ZSWIM6: variants seen among roughly 807,000 people sequenced by gnomAD.
ZSWIM6 encodes zinc finger SWIM domain-containing protein 6.
A neutral mutation model predicts 113.2 loss-of-function variants in ZSWIM6; 9 were observed. The ratio of observed to expected loss-of-function variants is 0.08; its 90% CI spans 0.05 to 0.14. The LOEUF (loss-of-function observed/expected upper bound fraction) is 0.14, where lower values mean the gene tolerates loss of function less well. Among genes scored for constraint, ZSWIM6 ranks in the 10% least tolerant of loss-of-function variants. The pLI is 1.00. For synonymous variants in ZSWIM6, 611 were observed against 606.5 expected (o/e 1.01, Z -0.11); for missense variants, 1,162 against 1,552.2 (o/e 0.75, Z 4.22).
At chr5:61,525,210 A>G (rs1045845828) in intron 5 of ZSWIM6, among the ~76,000 whole-genome samples, 4 of 152,184 alleles carry the variant, frequency 2.6e-5, no homozygotes, top group African/African-American at 9.7e-5. Context: ...AAATATATGC[A>G]TTTATGCCCT....
chr5:61,510,952 A>C (rs1748771027), intron 4 of ZSWIM6, among the ~76,000 whole-genome samples: 1 of 152,144 alleles, frequency 6.6e-6, no homozygotes, highest in Non-Finnish European at 1.5e-5. Context: ...TTTAATCATC[A>C]AATAGCTTTA....
chr5:61,403,818 T>C (rs886241118), intron 1 of ZSWIM6, among the ~76,000 whole-genome samples: 1 of 152,180 alleles, frequency 6.6e-6, no homozygotes, highest in African/African-American at 2.4e-5. Flanking sequence ...GTTTTCAATC[T>C]TGGGAGCTTC....
At position 61,380,527 on chromosome 5, in the gene ZSWIM6, TA is replaced by T. The variant is rs367632389; in HGVS notation, c.676+47580del. Among the ~76,000 whole-genome samples the T allele has an allele frequency of 3.9e-5, 6 of 152,328 alleles. No homozygotes were observed. In the South Asian group the frequency reaches 1.0e-3, roughly 26 times the overall value. On this transcript the variant is annotated intron_variant, in intron 1 of 13. Transcript: ENST00000252744. ...TTTTTAGGACTTCAAAATCTGAGTG[TA>T]TTGGGTATATGGTATCAGCGTCAGC...
rs1027345393 is a variant in ZSWIM6 at position 61,490,709 on chromosome 5, A to G, written c.1034-77A>G. 3.5e-6 allele frequency: 5 copies of G among 1,415,474 alleles called. No individual in the cohort carries two copies. In the South Asian group the frequency reaches 7.0e-5, roughly 20 times the overall value. 87.7% of individuals were successfully genotyped at this position (1,415,474 alleles called of 1,614,324 possible). A position where few individuals can be genotyped will look rare whatever the true frequency, so the allele number is the denominator to read the frequency against. On this transcript the variant is annotated intron_variant, in intron 2 of 13. Coordinates refer to ENST00000252744, the MANE Select transcript of ZSWIM6 (RefSeq NM_020928.2). The stretch of plus-strand genomic sequence containing the variant: ...TTGAGATTGAATTAAAAAGTAGGCA[A>G]AAAGAGTCTTAATTAATCCTTTTAG...
Position 61,490,827 on chromosome 5 carries a change from A to G in ZSWIM6, c.1075A>G (p.Asn359Asp), listed in dbSNP as rs751553216. The G allele has an allele frequency of 6.5e-7, 1 of 1,547,436 alleles. No individual in the cohort carries two copies. The highest frequency in any genetic ancestry group is 1.2e-5 in the South Asian group (1 of 83,600). ...AGCAGGTGCTAGTATAGATGATGAAAACTGCTGGCACTTAGATGAAGAGCA... is the reference window on the plus strand; with the variant it reads ...AGCAGGTGCTAGTATAGATGATGAAGACTGCTGGCACTTAGATGAAGAGCA... ...PTAGASIDDENCWHLDEEQVQ... is the reference protein window; with the variant it reads ...PTAGASIDDEDCWHLDEEQVQ... Residue 359 changes from asparagine to aspartate, a missense_variant, in exon 3 of 14, where the codon AAC becomes GAC. Around this residue, in one of 4 missense-constraint regions of ZSWIM6, gnomAD observed 96 missense variants for 240.3 expected, o/e 0.40. Transcript: ENST00000252744.
In ZSWIM6 at chr5:61,504,622, A is replaced by G. The variant is rs576879841; in HGVS notation, c.1333+10212A>G. ...AAGCCAGTTTTCTTAGAATTCTTACACAAGTATAGTGCTTAAGTGTCTACC... is the reference window on the plus strand; with the variant it reads ...AAGCCAGTTTTCTTAGAATTCTTACGCAAGTATAGTGCTTAAGTGTCTACC... On this transcript the variant is annotated intron_variant, in intron 4 of 13. Coordinates refer to ENST00000252744, the MANE Select transcript of ZSWIM6 (RefSeq NM_020928.2). Among the ~76,000 whole-genome samples the G allele has an allele frequency of 6.9e-4, 105 of 152,342 alleles. 1 individual carries two copies. In the Middle Eastern group the frequency reaches 0.024, roughly 35 times the overall value.
At chr5:61,419,804 G>T (rs934297655) in intron 1 of ZSWIM6, among the ~76,000 whole-genome samples, 4 of 152,176 alleles carry the variant, frequency 2.6e-5, no homozygotes, top group African/African-American at 9.7e-5. Flanking sequence ...TTGCCTTCTG[G>T]TTGTATGAAT....
chr5:61,472,345 G>A lies in ZSWIM6; in HGVS notation c.677-336G>A, dbSNP rs749242628. Among the ~76,000 whole-genome samples, 2 of 152,180 alleles carry A rather than the reference G, an allele frequency of 1.3e-5. No individual in the cohort carries two copies. Among genetic ancestry groups the A allele is most frequent in the Non-Finnish European group, 2.9e-5 (2 of 68,038 alleles). On this transcript the variant is annotated intron_variant, in intron 1 of 13. Coordinates refer to ENST00000252744, the MANE Select transcript of ZSWIM6 (RefSeq NM_020928.2). This position sits in a 1 kb window ranked among gnomAD's most constrained non-coding sequence, Gnocchi z 4.1. ...CACTGATCTAGGGGATTATTGTGTTGTATACCACTGATTCAGAGCAGAGTA... is the reference window on the plus strand; with the variant it reads ...CACTGATCTAGGGGATTATTGTGTTATATACCACTGATTCAGAGCAGAGTA...
At chr5:61,333,663 C>A (rs1744318800) in intron 1 of ZSWIM6, among the ~76,000 whole-genome samples, 1 of 152,202 alleles carries the variant, frequency 6.6e-6, no homozygotes, top group African/African-American at 2.4e-5. Context: ...GGCGGCGGAC[C>A]GGACTCCGTC....
chr5:61,336,151 C>A (rs1744388896), intron 1 of ZSWIM6, among the ~76,000 whole-genome samples: 1 of 152,038 alleles, frequency 6.6e-6, no homozygotes, highest in South Asian at 2.1e-4. Context: ...GTGGTCCCAG[C>A]TACTTGGGAG....
At chr5:61,531,054 G>T (rs1375910065) in intron 8 of ZSWIM6, among the ~76,000 whole-genome samples, 2 of 152,142 alleles carry the variant, frequency 1.3e-5, no homozygotes, top group Non-Finnish European at 2.9e-5. Context: ...GGTTATATAT[G>T]TTATGTTCCC....
chr5:61,381,258 A>G (rs1000109521), intron 1 of ZSWIM6, among the ~76,000 whole-genome samples: 1 of 152,078 alleles, frequency 6.6e-6, no homozygotes, highest in Non-Finnish European at 1.5e-5. Context: ...TGTCTCAAAC[A>G]AAACAAAATA....
At chr5:61,431,700 GCAC>G (rs2112135951) in intron 1 of ZSWIM6, among the ~76,000 whole-genome samples, 1 of 152,018 alleles carries the variant, frequency 6.6e-6, no homozygotes, top group African/African-American at 2.4e-5. Flanking sequence ...AGCCAAGATG[GCAC>G]CACTGCACTC....
intron 2 of ZSWIM6, among the ~76,000 whole-genome samples, chr5:61,474,580 G>A (rs1747659792): frequency 6.6e-6 from 1 of 152,084 alleles, no homozygotes; most frequent in Non-Finnish European, 1.5e-5. Flanking sequence ...TTAAGTCTGT[G>A]AAATCTGGTT....
intron 1 of ZSWIM6, among the ~76,000 whole-genome samples, chr5:61,436,061 C>T (rs976479216): frequency 7.9e-5 from 12 of 152,076 alleles, no homozygotes; most frequent in Admixed American, 2.6e-4. Context: ...ATTAGCCGGG[C>T]GTGGTGGTGC....
chr5:61,345,160 A>G (rs1744630218), intron 1 of ZSWIM6, among the ~76,000 whole-genome samples: 1 of 152,200 alleles, frequency 6.6e-6, no homozygotes, highest in South Asian at 2.1e-4. Context: ...GAATTAGTTT[A>G]TATAATTATA....
chr5:61,413,250 T>C (rs1746182234), intron 1 of ZSWIM6, among the ~76,000 whole-genome samples: 4 of 144,872 alleles, frequency 2.8e-5, no homozygotes, highest in African/African-American at 1.0e-4. Context: ...TCAATTGCCA[T>C]CTATGAGTGA....
intron 4 of ZSWIM6, among the ~76,000 whole-genome samples, chr5:61,514,542 C>T (rs1334718144): frequency 2.0e-5 from 3 of 151,924 alleles, no homozygotes; most frequent in African/African-American, 4.8e-5. Context: ...TAAGGAAGTT[C>T]GCTCCTATTC....
At position 61,486,291 on chromosome 5, in the gene ZSWIM6, C is replaced by CT. The variant is rs201833223; in HGVS notation, c.1034-4487dup. 4.3e-4 allele frequency among the ~76,000 whole-genome samples: 65 copies of CT among 152,032 alleles called. No individual in the cohort carries two copies. The Middle Eastern group carries it at 0.014, about 32-fold the overall frequency. On this transcript the variant is annotated intron_variant, in intron 2 of 13. Transcript: ENST00000252744. ...GGTGCTGCATGGATGTGATTTCATT[C>CT]TTTTTTTTATGGCCAAATAGTATTT...
Sources: gnomAD v4.1 joint callset for allele counts (sites outside exome capture counted in the v4.1 genomes callset) on GRCh38, gnomAD v4.1.1 for gene constraint, gnomAD v4.1.1 regional missense constraint, Gnocchi (gnomAD v3.1) non-coding constraint, MANE v1.5 for transcripts, NCBI Gene and HGNC (gene_info 2026-07-23, HGNC 2026-07-21) for gene names.